KLHL35: variants seen among roughly 807,000 people sequenced by gnomAD.
KLHL35 encodes the protein kelch-like protein 35.
KLHL35 carries 50 observed loss-of-function variants against 44.0 expected under a neutral mutation model. The observed-to-expected ratio is 1.14, with a 90% CI of 0.91 to 1.44. The LOEUF (loss-of-function observed/expected upper bound fraction) is 1.44. Ranked by LOEUF, KLHL35 falls within the 40% of genes most tolerant of loss-of-function variation. KLHL35 has a pLI of 0.00. For synonymous variants in KLHL35, 470 were observed against 410.4 expected, an observed-to-expected ratio of 1.15 and a Z score of -1.76; for missense variants, 1,049 against 887.8, an observed-to-expected ratio of 1.18 and a Z score of -2.31.
chr11:75,430,322 A>AGCGCCGCCGCCGCCCC lies in KLHL35; in HGVS notation c.292_307dup (p.Leu103ArgfsTer100), dbSNP rs1331745858. Reference sequence around the variant, plus strand: ...GTACACGTAGTCGAGCACCACGGCCAGCGCCGCCGCCGCCCCGGCCGGGCT... The same window carrying AGCGCCGCCGCCGCCCC: ...GTACACGTAGTCGAGCACCACGGCCAGCGCCGCCGCCGCCCCGCGCCGCCGCCGCCCCGGCCGGGCT... On this transcript the variant is annotated frameshift_variant, in exon 2 of 7. Coordinates refer to ENST00000539798, the MANE Select transcript of KLHL35 (RefSeq NM_001039548.3). LOFTEE classifies it high-confidence loss of function. 7.9e-7 allele frequency: 1 copy of AGCGCCGCCGCCGCCCC among 1,263,512 alleles called. No homozygotes were observed. Among genetic ancestry groups the AGCGCCGCCGCCGCCCC allele is most frequent in the Non-Finnish European group, 1.0e-6 (1 of 1,004,488 alleles). 78.3% of individuals were successfully genotyped at this position (1,263,512 alleles called of 1,614,324 possible). A position where few individuals can be genotyped will look rare whatever the true frequency, so the allele number is the denominator to read the frequency against.
At chr11:75,423,931 T>G in intron 5 of KLHL35, 51 bp from the exon 6 acceptor site, 5 of 1,379,134 alleles carry the variant, frequency 3.6e-6, no homozygotes, top group East Asian at 2.6e-5. Context: ...CCCCAACAAA[T>G]GCCCCACCGC....
At chr11:75,430,713 C>T (rs1416528124) in intron 1 of KLHL35, 83 bp from the exon 2 acceptor site, 3 of 1,171,706 alleles carry the variant, frequency 2.6e-6, no homozygotes, top group Non-Finnish European at 3.3e-6. Context: ...CCGTTTATTT[C>T]CTCTCTTGAC....
rs759167394 is a variant in KLHL35, at chr11:75,423,667, C to T, written c.1563+25G>A. On this transcript the variant is annotated intron_variant, in intron 6 of 6. Coordinates refer to ENST00000539798, the MANE Select transcript of KLHL35 (RefSeq NM_001039548.3). ...CAGAGCCTTAGAAGCGGGTTCCGCT[C>T]TCCTGCCTTGAAGCCTCCACTTACC... 10 of 1,606,602 alleles carry T rather than the reference C, an allele frequency of 6.2e-6. No homozygotes were observed. In the African/African-American group the frequency reaches 1.2e-4, roughly 19 times the overall value.
Position 75,426,564 on chromosome 11 carries a change from G to A in KLHL35, c.1141C>T (p.His381Tyr). 6.2e-7 allele frequency: 1 copy of A among 1,606,494 alleles called. No homozygotes were observed. The highest frequency in any genetic ancestry group is 1.1e-5 in the South Asian group (1 of 89,538). ...LHTWIKVASL[H>Y]KGRWRHKMAV... ...ATCTTGTGCCTCCACCTGCCCTTGT[G>A]CAGAGAGGCTACCTTGATCCAGGTG... Residue 381 changes from histidine (H) to tyrosine (Y), a missense_variant, in exon 4 of 7, where the codon CAC becomes TAC. Physicochemically the swap from His to Tyr is moderately conservative, Grantham distance 83 (BLOSUM62 2). Coordinates refer to ENST00000539798, the MANE Select transcript of KLHL35 (RefSeq NM_001039548.3).
chr11:75,423,703 G>T lies in KLHL35; in HGVS notation c.1552C>A (p.Pro518Thr). ...TDVWGEAAVL[P>T]SPVESCGVTV... ...AAGCCTCCACTTACCACAGGGCTGG[G>T]GAGGACAGCTGCCTCCCCCCACACA... The change falls in exon 6 of 7, where the codon CCC becomes ACC. Residue 518 changes from proline (P) to threonine (T), a missense_variant. Pro to Thr is a conservative substitution (Grantham distance 38). Coordinates refer to ENST00000539798, the MANE Select transcript of KLHL35 (RefSeq NM_001039548.3). The T allele has an allele frequency of 1.9e-6, 3 of 1,613,676 alleles. No individual in the cohort carries two copies. Among genetic ancestry groups the T allele is most frequent in the Non-Finnish European group, 2.5e-6 (3 of 1,179,770 alleles).
At chr11:75,428,966 G>A (rs1001732178) in intron 2 of KLHL35, among the ~76,000 whole-genome samples, 22 of 152,194 alleles carry the variant, frequency 1.4e-4, no homozygotes, top group African/African-American at 4.8e-4. Flanking sequence ...CTCAGGGGAG[G>A]AAACTGAGGC....
At chr11:75,431,305 G>C (rs1179103071) in intron 1 of KLHL35, among the ~76,000 whole-genome samples, 1 of 152,244 alleles carries the variant, frequency 6.6e-6, no homozygotes, top group Non-Finnish European at 1.5e-5. Context: ...CACAGCTTTC[G>C]CGCAAACGAA....
intron 4 of KLHL35, chr11:75,426,066 C>T (rs1296671415): frequency 6.3e-6 from 1 of 157,704 alleles, no homozygotes; most frequent in African/African-American, 2.4e-5. Flanking sequence ...TGCCATTCTC[C>T]TGCCTCAGCC....
At chr11:75,426,719 C>G (rs1246532821) in intron 3 of KLHL35, 81 bp from the exon 4 acceptor site, 2 of 938,294 alleles carry the variant, frequency 2.1e-6, no homozygotes, top group South Asian at 3.0e-5. Flanking sequence ...CTAGGGCCCC[C>G]AGATCCAAAG....
In KLHL35 at chr11:75,430,165, G is replaced by C. The variant is rs1250188138; in HGVS notation, c.465C>G (p.Ser155Arg). ...CGGCGGCCACGCGGCGCAGCGCTAG[G>C]CTGTTGGCGGCGCGCAGGCGGCCCT... is the stretch of plus-strand genomic sequence containing the variant. ...FLEGRLRAAN[S>R]LALRRVAAAF... The change falls in exon 2 of 7, where the codon AGC becomes AGG. Residue 155 changes from serine to arginine, a missense_variant. Physicochemically the swap from Ser to Arg is moderately radical, Grantham distance 110 (BLOSUM62 -1). Transcript: ENST00000539798. The C allele has an allele frequency of 3.2e-6, 4 of 1,239,560 alleles. No individual in the cohort carries two copies. Among genetic ancestry groups the C allele is most frequent in the East Asian group, 7.3e-5 (2 of 27,524 alleles). The allele number at this position is 1,239,560 out of a possible 1,614,324, so 76.8% of individuals were successfully genotyped here.
rs1388001099 is a variant in KLHL35, at chr11:75,425,536, C to T, written c.1231G>A (p.Val411Met). 5 of 1,529,292 alleles carry T rather than the reference C, an allele frequency of 3.3e-6. No individual in the cohort carries two copies. Among genetic ancestry groups the T allele is most frequent in the Non-Finnish European group, 4.4e-6 (5 of 1,146,886 alleles). 94.7% of individuals were successfully genotyped at this position (1,529,292 alleles called of 1,614,324 possible). ...TTGGAGAAGGGGTCGTAGCGCTCCA[C>T]GCTGTGCAGGCGCCTCAGGCCGTCG... ...GFDGLRRLHS[V>M]ERYDPFSNTW... Residue 411 changes from valine (V) to methionine (M), a missense_variant, in exon 5 of 7, where the codon GTG becomes ATG. By Grantham distance (21) the Val-to-Met change is conservative. Transcript: ENST00000539798.
At chr11:75,425,822 A>G in intron 4 of KLHL35, 1 of 403,642 alleles carries the variant, frequency 2.5e-6, no homozygotes, top group Non-Finnish European at 4.4e-6. Flanking sequence ...CTGCATGGTT[A>G]CAGCTGTAAA....
In KLHL35 at chr11:75,422,497, G is replaced by T. The variant is rs572434696; in HGVS notation, c.*83C>A. 2.3e-6 allele frequency: 3 copies of T among 1,305,888 alleles called. No homozygotes were observed. Among genetic ancestry groups the T allele is most frequent in the Admixed American group, 3.8e-5 (2 of 53,192 alleles). The allele number at this position is 1,305,888 out of a possible 1,614,324, so 80.9% of individuals were successfully genotyped here. Reference sequence around the variant, plus strand: ...GACCATTAAGTTAAGGGCTGTTTGCGTGGAGGTGCCATGAGGGAGCAGAGT... The same window carrying T: ...GACCATTAAGTTAAGGGCTGTTTGCTTGGAGGTGCCATGAGGGAGCAGAGT... On this transcript the variant is annotated 3_prime_UTR_variant, in exon 7 of 7. Coordinates refer to ENST00000539798, the MANE Select transcript of KLHL35 (RefSeq NM_001039548.3).
At chr11:75,426,906 T>C (rs1313540412) in intron 3 of KLHL35, 2 of 337,300 alleles carry the variant, frequency 5.9e-6, no homozygotes, top group African/African-American at 2.1e-5. Context: ...GTGGTGGTGG[T>C]GGTGGTGTGC....
chr11:75,428,388 T>C, intron 3 of KLHL35, 54 bp downstream of exon 3: 33 of 1,584,694 alleles, frequency 2.1e-5, no homozygotes, highest in Non-Finnish European at 2.7e-5. Context: ...GGGGGTGGAG[T>C]GCGGAGGCTA....
intron 5 of KLHL35, 136 bp downstream of exon 5, chr11:75,425,257 G>T: frequency 2.1e-6 from 2 of 947,832 alleles, no homozygotes; most frequent in Non-Finnish European, 2.9e-6. Flanking sequence ...CCTGAAACAT[G>T]GAGGTGACTG....
At position 75,428,489 on chromosome 11, in the gene KLHL35, C is replaced by A. The variant is rs565424293; in HGVS notation, c.1019G>T (p.Arg340Leu). The change falls in exon 3 of 7, where the codon CGC becomes CTC. Residue 340 changes from arginine to leucine, a missense_variant. Transcript: ENST00000539798. ...GAGAGCACAGGCGGCGAATTCTGAG[C>A]GAGTGTAGCCGGGCAGGCTGGGCAG... ...TPLPSLPGYTRSEFAACALRN... is the reference protein window; with the variant it reads ...TPLPSLPGYTLSEFAACALRN... 7 of 1,612,368 alleles carry A rather than the reference C, an allele frequency of 4.3e-6. No individual in the cohort carries two copies. The highest frequency in any genetic ancestry group is 2.2e-5 in the South Asian group (2 of 91,086).
At chr11:75,431,784 C>G (rs1357197824) in intron 1 of KLHL35, among the ~76,000 whole-genome samples, 1 of 152,180 alleles carries the variant, frequency 6.6e-6, no homozygotes, top group Non-Finnish European at 1.5e-5. Flanking sequence ...ATGACTATTA[C>G]ATGGGCTGTA....
At chr11:75,431,095 G>A (rs1232296073) in intron 1 of KLHL35, among the ~76,000 whole-genome samples, 1 of 152,144 alleles carries the variant, frequency 6.6e-6, no homozygotes, top group Non-Finnish European at 1.5e-5. Context: ...TGTGTAAGGA[G>A]GGTCCCGTGA....
Sources: allele counts gnomAD v4.1 joint callset (sites outside exome capture counted in the v4.1 genomes callset), GRCh38; gene constraint gnomAD v4.1.1; transcripts MANE v1.5; gene names NCBI Gene and HGNC (gene_info 2026-07-23, HGNC 2026-07-21).